The following NCAN variants were observed in gnomAD, a reference collection of about 807,000 sequenced individuals.
NCAN encodes the protein neurocan.
Under a neutral mutation model 121.8 loss-of-function variants are expected in NCAN, and 47 were observed. That is an observed-to-expected ratio of 0.39 (90% CI 0.31 to 0.49). The LOEUF is 0.49. Ranked by LOEUF, NCAN falls within the 20% of genes least tolerant of loss-of-function variation. NCAN has a pLI of 0.92. For missense variants in NCAN, 1,517 were observed against 1,773.4 expected, an observed-to-expected ratio of 0.86 and a Z score of 2.60; for synonymous variants, 633 against 702.0, an observed-to-expected ratio of 0.90 and a Z score of 1.55.
intron 13 of NCAN, 65 bp downstream of exon 13, chr19:19,245,522 G>C (rs775657069): frequency 4.5e-6 from 7 of 1,564,862 alleles, no homozygotes; most frequent in Non-Finnish European, 6.1e-6. Flanking sequence ...CTGTTGCCCA[G>C]GCTGGAGTGC....
chr19:19,248,588 G>T (rs1295367571), intron 13 of NCAN, 112 bp from the exon 14 acceptor site: 20 of 1,089,070 alleles, frequency 1.8e-5, no homozygotes, highest in African/African-American at 4.7e-5. Context: ...GCGCGCCACT[G>T]CACTCCAGTC....
intron 11 of NCAN, chr19:19,238,806 T>G: frequency 3.2e-6 from 1 of 307,848 alleles, no homozygotes; most frequent in Non-Finnish European, 6.3e-6. Flanking sequence ...AGATCCTATG[T>G]GTGCTGATAA....
intron 1 of NCAN, among the ~76,000 whole-genome samples, chr19:19,213,759 C>T (rs997353859): frequency 6.6e-6 from 1 of 152,038 alleles, no homozygotes; most frequent in African/African-American, 2.4e-5. Context: ...GGTCTGTGTT[C>T]AGAGTTGGGG....
Position 19,238,244 on chromosome 19 carries a change from A to T in NCAN, c.3251-9A>T. 2 of 1,613,932 alleles carry T rather than the reference A, an allele frequency of 1.2e-6. No homozygotes were observed. Among genetic ancestry groups the T allele is most frequent in the Non-Finnish European group, 1.7e-6 (2 of 1,179,968 alleles). On this transcript the variant is annotated splice_polypyrimidine_tract_variant and intron_variant, in intron 10 of 14. Transcript: ENST00000252575. Reference sequence around the variant, plus strand: ...CAGCCCCCCCTCACGCTCCTATCCCATCTCCCAGACACCGAGGGCTGTGAC... The same window carrying T: ...CAGCCCCCCCTCACGCTCCTATCCCTTCTCCCAGACACCGAGGGCTGTGAC...
In NCAN at chr19:19,228,446, C is replaced by T; in HGVS notation, c.2826C>T (p.Ala942=). The T allele has an allele frequency of 6.2e-7, 1 of 1,613,636 alleles. No individual in the cohort carries two copies. The highest frequency in any genetic ancestry group is 8.5e-7 in the Non-Finnish European group (1 of 1,180,012). ...CTGCAGCCAGTGTGGGCGAGTCTGC[C>T]TCAGTTTCCTCAGGGGAGCCTACGG... ...TPTAASVGES[A]SVSSGEPTVP... The change falls in exon 8 of 15, where the codon GCC becomes GCT. Residue 942 remains alanine (A), a synonymous_variant. Transcript: ENST00000252575.
At position 19,249,756 on chromosome 19, in the gene NCAN, T is replaced by C. The variant is rs2060939660; in HGVS notation, c.3821-10T>C. 2 of 1,592,456 alleles carry C rather than the reference T, an allele frequency of 1.3e-6. No individual in the cohort carries two copies. Among genetic ancestry groups the C allele is most frequent in the African/African-American group, 2.7e-5 (2 of 73,582 alleles). ...TTGTCCCTTCCCTGTCCTCCCTCACTTCCCTGCAGCCAGACGTTCACATCG... is the reference window on the plus strand; with the variant it reads ...TTGTCCCTTCCCTGTCCTCCCTCACCTCCCTGCAGCCAGACGTTCACATCG... On this transcript the variant is annotated splice_polypyrimidine_tract_variant and intron_variant, in intron 14 of 14. Coordinates refer to ENST00000252575, the MANE Select transcript of NCAN (RefSeq NM_004386.3).
At chr19:19,224,473 CTTT>C (rs1385134975) in intron 5 of NCAN, 40 bp downstream of exon 5, 1 of 1,598,560 alleles carries the variant, frequency 6.3e-7, no homozygotes, top group Admixed American at 1.7e-5. Context: ...CTCCGCCTCT[CTTT>C]GAGTATCTAT....
At position 19,219,043 on chromosome 19, in the gene NCAN, A is replaced by G. The variant is rs1292189430; in HGVS notation, c.202A>G (p.Ser68Gly). The change falls in exon 3 of 15, where the codon AGC becomes GGC. Residue 68 changes from serine (S) to glycine (G), a missense_variant. Transcript: ENST00000252575. ...PCLFTLQPRPSAARDAPRIKW... is the reference protein window; with the variant it reads ...PCLFTLQPRPGAARDAPRIKW... ...TCTCTTTACCCTGCAGCCACGGCCA[A>G]GCGCAGCCCGAGATGCCCCTCGGAT... The G allele has an allele frequency of 1.2e-6, 2 of 1,611,958 alleles. No homozygotes were observed. The highest frequency in any genetic ancestry group is 3.3e-5 in the Admixed American group (2 of 59,860).
chr19:19,240,332 G>A (rs941748709), intron 11 of NCAN, among the ~76,000 whole-genome samples: 5 of 151,676 alleles, frequency 3.3e-5, no homozygotes, highest in African/African-American at 1.2e-4. Flanking sequence ...TGGGGAAGGG[G>A]CTGAGTCTTC....
In NCAN at chr19:19,224,354, C is replaced by T. The variant is rs143382424; in HGVS notation, c.699C>T (p.Ser233=). The T allele has an allele frequency of 2.5e-6, 4 of 1,614,076 alleles. No homozygotes were observed. Among genetic ancestry groups the T allele is most frequent in the Non-Finnish European group, 2.5e-6 (3 of 1,179,978 alleles). ...CTGGTTGCTATGGCGACCGTAGCAG[C>T]CTTCCAGGGGTTCGGAGCTATGGGA... The part of the protein sequence containing the change: ...SRPGCYGDRS[S]LPGVRSYGRR... The change falls in exon 5 of 15, where the codon AGC becomes AGT. Residue 233 remains serine, a synonymous_variant. Coordinates refer to ENST00000252575, the MANE Select transcript of NCAN (RefSeq NM_004386.3).
At position 19,248,720 on chromosome 19, in the gene NCAN, G is replaced by A. The variant is rs555344889; in HGVS notation, c.3658G>A (p.Ala1220Thr). 1 of 1,614,132 alleles carries A rather than the reference G, an allele frequency of 6.2e-7. No individual in the cohort carries two copies. The highest frequency in any genetic ancestry group is 2.2e-5 in the East Asian group (1 of 44,886). The change falls in exon 14 of 15, where the codon GCA becomes ACA. Residue 1220 changes from alanine (A) to threonine (T), a missense_variant. Ala to Thr is a moderately conservative substitution (Grantham distance 58, BLOSUM62 0). Coordinates refer to ENST00000252575, the MANE Select transcript of NCAN (RefSeq NM_004386.3). ...CCCAGTGCTCTGTGGTCCCCCTCCG[G>A]CAGTGGAGAATGCCTCACTCATCGG... ...KGTVLCGPPP[A>T]VENASLIGAR...
intron 8 of NCAN, among the ~76,000 whole-genome samples, chr19:19,230,450 C>T (rs1243527121): frequency 3.0e-5 from 4 of 135,312 alleles, no homozygotes; most frequent in Admixed American, 8.1e-5. Flanking sequence ...GTCACCTAGG[C>T]TTGAGTGCAG....
chr19:19,231,845 G>C (rs1266114427), intron 8 of NCAN, among the ~76,000 whole-genome samples: 1 of 152,028 alleles, frequency 6.6e-6, no homozygotes, highest in Non-Finnish European at 1.5e-5. Flanking sequence ...AGCCGGGCAT[G>C]GTGGGTACCT....
intron 3 of NCAN, among the ~76,000 whole-genome samples, chr19:19,220,782 T>C (rs2060814023): frequency 1.3e-5 from 2 of 152,098 alleles, no homozygotes; most frequent in Non-Finnish European, 2.9e-5. Context: ...TAAATTCTTC[T>C]TGTTGAGCTG....
At chr19:19,214,519 G>A (rs2060789079) in intron 1 of NCAN, among the ~76,000 whole-genome samples, 1 of 152,116 alleles carries the variant, frequency 6.6e-6, no homozygotes, top group African/African-American at 2.4e-5. Flanking sequence ...GCGTATACAT[G>A]AGGCTTTGTG....
chr19:19,216,800 C>A, intron 1 of NCAN, 147 bp from the exon 2 acceptor site: 1 of 449,548 alleles, frequency 2.2e-6, no homozygotes, highest in Non-Finnish European at 3.9e-6. Flanking sequence ...CCTTTGCTGG[C>A]TCCTTCTGTG....
At chr19:19,249,291 G>A (rs1000777217) in intron 14 of NCAN, among the ~76,000 whole-genome samples, 1 of 152,028 alleles carries the variant, frequency 6.6e-6, no homozygotes, top group Non-Finnish European at 1.5e-5. Flanking sequence ...GGCTGATCTC[G>A]AACTCCTGAG....
At chr19:19,235,578 A>AT (rs1345718406) in intron 10 of NCAN, among the ~76,000 whole-genome samples, 2 of 131,328 alleles carry the variant, frequency 1.5e-5, no homozygotes, top group African/African-American at 6.1e-5. Context: ...GCCCTATTTT[A>AT]TTTTATTTTT....
chr19:19,244,562 G>A (rs1384143457), intron 12 of NCAN, among the ~76,000 whole-genome samples: 1 of 151,736 alleles, frequency 6.6e-6, no homozygotes, highest in Non-Finnish European at 1.5e-5. Context: ...GACCCCCTTG[G>A]CCTCTCAAAG....
Sources: allele counts gnomAD v4.1 joint callset (sites outside exome capture counted in the v4.1 genomes callset), GRCh38; gene constraint gnomAD v4.1.1; transcripts MANE v1.5; gene names NCBI Gene and HGNC (gene_info 2026-07-23, HGNC 2026-07-21).